Variants in AFDN observed in about 807,000 individuals in gnomAD.
AFDN encodes the protein afadin.
Under a neutral mutation model 216.6 loss-of-function variants are expected in AFDN, and 68 were observed. The ratio of observed to expected loss-of-function variants is 0.31; its 90% confidence interval spans 0.26 to 0.38. The LOEUF (loss-of-function observed/expected upper bound fraction) is 0.38, where lower values mean the gene tolerates loss of function less well. Ranked by LOEUF, AFDN falls within the 10% of genes least tolerant of loss-of-function variation. The probability of loss-of-function intolerance (pLI) is 1.00; values close to 1 mark genes in which losing one functional copy is unlikely to be tolerated. For synonymous variants in AFDN, 868 were observed against 853.7 expected, an observed-to-expected ratio of 1.02 and a Z score of -0.29; for missense variants, 2,136 against 2,342.0, an observed-to-expected ratio of 0.91 and a Z score of 1.82.
rs1176023552 is a variant in AFDN at position 167,959,963 on chromosome 6, A to C, written c.4834-2470A>C. Among the ~76,000 whole-genome samples, 4 of 152,316 alleles carry C rather than the reference A, an allele frequency of 2.6e-5. No homozygotes were observed. The East Asian group carries it at 7.7e-4, about 29-fold the overall frequency. On this transcript the variant is annotated intron_variant, in intron 30 of 33. Transcript: ENST00000683244. ...CATGTAACTTTTCATTCTTTTAATC[A>C]AAGTGCTAATCTAATAGGCAGTTTG...
chr6:167,880,250 C>G, intron 5 of AFDN, 110 bp from the exon 6 acceptor site: 1 of 970,756 alleles, frequency 1.0e-6, no homozygotes, highest in South Asian at 1.6e-5. Flanking sequence ...TCTTTACACT[C>G]ATTTTAGCTA....
chr6:167,889,238 G>A lies in AFDN; in HGVS notation c.921G>A (p.Gln307=), dbSNP rs373269968. The A allele has an allele frequency of 4.8e-5, 77 of 1,613,658 alleles. 1 individual carries two copies. In the South Asian group the frequency reaches 7.3e-4, roughly 15 times the overall value. Residue 307 remains glutamine, a synonymous_variant, in exon 7 of 34, where the codon CAG becomes CAA. Transcript: ENST00000683244. Reference sequence around the variant, plus strand: ...AGGTTATGCTTCCTCCTGGAGCCCAGCATTCTGATGAAAAGGGTGCTAAAG... The same window carrying A: ...AGGTTATGCTTCCTCCTGGAGCCCAACATTCTGATGAAAAGGGTGCTAAAG... ...IARVMLPPGA[Q]HSDEKGAKEI... is the part of the protein sequence containing the mutation.
intron 1 of AFDN, among the ~76,000 whole-genome samples, chr6:167,830,798 AC>A (rs974892255): frequency 1.3e-5 from 2 of 152,208 alleles, no homozygotes; most frequent in African/African-American, 2.4e-5. Context: ...GTAAGAAATA[AC>A]TTTGTCAGCA....
At chr6:167,845,073 A>G (rs1265672452) in intron 1 of AFDN, among the ~76,000 whole-genome samples, 1 of 151,978 alleles carries the variant, frequency 6.6e-6, no homozygotes, top group Admixed American at 6.6e-5. Flanking sequence ...TGTTGCCCAC[A>G]CTGGTCTTGA....
intron 30 of AFDN, among the ~76,000 whole-genome samples, chr6:167,954,673 T>A (rs1796323564): frequency 6.6e-6 from 1 of 152,224 alleles, no homozygotes; most frequent in Non-Finnish European, 1.5e-5. Flanking sequence ...TTAGTTACTC[T>A]TTGCTTTTCT....
At chr6:167,934,296 A>T (rs1182232950) in intron 23 of AFDN, among the ~76,000 whole-genome samples, 1 of 152,220 alleles carries the variant, frequency 6.6e-6, no homozygotes. Context: ...TATCAAGCTC[A>T]GTTACCTTGC....
intron 1 of AFDN, among the ~76,000 whole-genome samples, chr6:167,854,397 G>A (rs1414468459): frequency 6.6e-6 from 1 of 151,896 alleles, no homozygotes; most frequent in African/African-American, 2.4e-5. Flanking sequence ...ACTTGTCTTG[G>A]TACTTTACCT....
chr6:167,906,723 A>G (rs1789735455), intron 12 of AFDN, among the ~76,000 whole-genome samples: 1 of 152,214 alleles, frequency 6.6e-6, no homozygotes, highest in South Asian at 2.1e-4. Flanking sequence ...TACTGAATTC[A>G]TTAGGTATTG....
intron 17 of AFDN, 112 bp from the exon 18 acceptor site, chr6:167,914,532 T>G (rs1790801309): frequency 8.6e-6 from 8 of 928,270 alleles, no homozygotes; most frequent in Non-Finnish European, 1.6e-6. Flanking sequence ...TCCACATTTT[T>G]TTTTTAATGG....
rs184880629 is a variant in AFDN at position 167,952,602 on chromosome 6, C to T, written c.4833+415C>T. 9.3e-5 allele frequency: 59 copies of T among 635,226 alleles called. No individual in the cohort carries two copies. In the African/African-American group the frequency reaches 1.2e-3, roughly 12 times the overall value. 39.3% of individuals were successfully genotyped at this position (635,226 alleles called of 1,614,324 possible). On this transcript the variant is annotated intron_variant, in intron 30 of 33. Coordinates refer to ENST00000683244, the MANE Select transcript of AFDN (RefSeq NM_001386888.1). ...CCACGGGGTCTCTGGCAACCCCCAG[C>T]TCTGCTGTTGTAGCACAAAAGCAGC...
At position 167,947,440 on chromosome 6, in the gene AFDN, A is replaced by G. The variant is rs534493699; in HGVS notation, c.3554-413A>G. Among the ~76,000 whole-genome samples, 4 of 152,298 alleles carry G rather than the reference A, an allele frequency of 2.6e-5. No homozygotes were observed. In the East Asian group the frequency reaches 7.7e-4, roughly 29 times the overall value. On this transcript the variant is annotated intron_variant, in intron 27 of 33. Coordinates refer to ENST00000683244, the MANE Select transcript of AFDN (RefSeq NM_001386888.1). Reference sequence around the variant, plus strand: ...GTGATCTGCCCGCCTTGGCCTCCCAAAGTGCTGGGATTACAGGCTTGAGCC... The same window carrying G: ...GTGATCTGCCCGCCTTGGCCTCCCAGAGTGCTGGGATTACAGGCTTGAGCC...
chr6:167,853,957 A>AT (rs553925281), intron 1 of AFDN, among the ~76,000 whole-genome samples: 7 of 151,800 alleles, frequency 4.6e-5, no homozygotes, highest in East Asian at 3.9e-4. Flanking sequence ...TTTCATATGT[A>AT]TTTTTTTTAG....
Position 167,970,974 on chromosome 6 carries a change from C to T in AFDN, c.*1039C>T, listed in dbSNP as rs1047001663. 4.7e-6 allele frequency: 1 copy of T among 214,102 alleles called. No individual in the cohort carries two copies. The highest frequency in any genetic ancestry group is 9.4e-6 in the Non-Finnish European group (1 of 106,118). 13.3% of individuals were successfully genotyped at this position (214,102 alleles called of 1,614,324 possible). ...TGTAAGAATAACTCATATGGAAGTT[C>T]AAGCTATTTTTATACTATAATAGAG... On this transcript the variant is annotated 3_prime_UTR_variant, in exon 34 of 34. Coordinates refer to ENST00000683244, the MANE Select transcript of AFDN (RefSeq NM_001386888.1).
chr6:167,877,639 C>T (rs1429343810), intron 5 of AFDN, among the ~76,000 whole-genome samples: 1 of 152,098 alleles, frequency 6.6e-6, no homozygotes, highest in Non-Finnish European at 1.5e-5. Context: ...TTAATGAAGT[C>T]CAAGGTTTTT....
At position 167,917,094 on chromosome 6, in the gene AFDN, G is replaced by A. The variant is rs750426315; in HGVS notation, c.2571G>A (p.Thr857=). The change falls in exon 20 of 34, where the codon ACG becomes ACA. Residue 857 remains threonine (T), a synonymous_variant. Transcript: ENST00000683244. ...TCCTTTATTCTTTTACATAGGCAAC[G>A]ACTTTGCTTACCATGGATAAGTATG... ...DCHLSRIVQA[T]TLLTMDKYAP... is the part of the protein sequence containing the mutation. 22 of 1,611,916 alleles carry A rather than the reference G, an allele frequency of 1.4e-5. No individual in the cohort carries two copies. Among genetic ancestry groups the A allele is most frequent in the South Asian group, 4.4e-5 (4 of 90,728 alleles).
intron 9 of AFDN, among the ~76,000 whole-genome samples, chr6:167,895,498 T>G (rs778499419): frequency 2.0e-5 from 3 of 152,174 alleles, no homozygotes; most frequent in Non-Finnish European, 4.4e-5. Flanking sequence ...TAATGGGTGT[T>G]AGGCATTAGT....
intron 1 of AFDN, among the ~76,000 whole-genome samples, chr6:167,854,893 T>C (rs1231851492): frequency 6.6e-6 from 1 of 151,666 alleles, no homozygotes; most frequent in Non-Finnish European, 1.5e-5. Flanking sequence ...CTTGTTTAGT[T>C]CCAGGAAAAA....
chr6:167,878,898 A>G (rs1006352126), intron 5 of AFDN, among the ~76,000 whole-genome samples: 1 of 152,160 alleles, frequency 6.6e-6, no homozygotes, highest in Non-Finnish European at 1.5e-5. Flanking sequence ...TTCAGGTCTG[A>G]GTTCAAATGT....
intron 23 of AFDN, among the ~76,000 whole-genome samples, 177 bp from the exon 24 acceptor site, chr6:167,942,952 G>A (rs1441337251): frequency 6.6e-6 from 1 of 152,142 alleles, no homozygotes; most frequent in Non-Finnish European, 1.5e-5. Context: ...ATCATTAACT[G>A]ATGCATGAAT....
Sources: allele counts gnomAD v4.1 joint callset (sites outside exome capture counted in the v4.1 genomes callset), GRCh38; gene constraint gnomAD v4.1.1; transcripts MANE v1.5; gene names NCBI Gene and HGNC (gene_info 2026-07-23, HGNC 2026-07-21).